CADPS: variants seen among roughly 807,000 people sequenced by gnomAD.
CADPS encodes the protein calcium-dependent secretion activator 1.
In CADPS, 57 loss-of-function variants were observed where a neutral mutation model predicts 167.3. The observed-to-expected ratio is 0.34, with a 90% CI of 0.28 to 0.42. The LOEUF is 0.42. Ranked by LOEUF, CADPS falls within the 20% of genes least tolerant of loss-of-function variation. The pLI, the probability that CADPS is intolerant of heterozygous loss-of-function variation, is 1.00. For synonymous variants in CADPS, 676 were observed against 635.3 expected, an observed-to-expected ratio of 1.06 and a Z score of -0.96; for missense variants, 1,414 against 1,738.1, an observed-to-expected ratio of 0.81 and a Z score of 3.32.
chr3:62,401,708 T>C (rs1706232179), intron 29 of CADPS, among the ~76,000 whole-genome samples: 1 of 150,684 alleles, frequency 6.6e-6, no homozygotes, highest in South Asian at 2.1e-4. Context: ...CTTTTCTATA[T>C]CCCTTCTCTG....
chr3:62,812,724 T>C (rs1239784243), intron 1 of CADPS, among the ~76,000 whole-genome samples: 4 of 152,192 alleles, frequency 2.6e-5, no homozygotes, highest in African/African-American at 7.2e-5. Context: ...TTTTAGGAAA[T>C]TGATGTTGGA....
intron 28 of CADPS, among the ~76,000 whole-genome samples, chr3:62,419,475 G>T (rs866624829): frequency 2.0e-5 from 3 of 152,126 alleles, no homozygotes; most frequent in African/African-American, 7.2e-5. Context: ...CTTTCAAGTC[G>T]TCTCAATCTT....
intron 3 of CADPS, among the ~76,000 whole-genome samples, chr3:62,687,788 C>T (rs967016495): frequency 4.7e-4 from 63 of 135,162 alleles, no homozygotes; most frequent in Non-Finnish European, 9.0e-4. Flanking sequence ...TGGTAAAAAG[C>T]TCTTATTATG....
At chr3:62,813,513 A>G (rs1394803623) in intron 1 of CADPS, among the ~76,000 whole-genome samples, 1 of 152,148 alleles carries the variant, frequency 6.6e-6, no homozygotes, top group African/African-American at 2.4e-5. Flanking sequence ...TTAAAATCAT[A>G]GAAGAAAACC....
chr3:62,566,094 T>C (rs143964456), intron 9 of CADPS, among the ~76,000 whole-genome samples: 1 of 152,328 alleles, frequency 6.6e-6, no homozygotes, highest in East Asian at 1.9e-4. Context: ...AGATCTAACA[T>C]CTGAATTGAA....
At chr3:62,858,729 T>C (rs149737348) in intron 1 of CADPS, among the ~76,000 whole-genome samples, 193 of 152,286 alleles carry the variant, frequency 1.3e-3, no homozygotes, top group African/African-American at 4.5e-3. Context: ...TTTATCCACA[T>C]TACTTTAATG....
At chr3:62,685,303 A>G (rs1232551089) in intron 3 of CADPS, among the ~76,000 whole-genome samples, 1 of 151,996 alleles carries the variant, frequency 6.6e-6, no homozygotes, top group Non-Finnish European at 1.5e-5. Flanking sequence ...AGGCACACAA[A>G]CAGGTAGACA....
intron 1 of CADPS, among the ~76,000 whole-genome samples, chr3:62,784,743 A>G (rs2092226147): frequency 9.0e-6 from 1 of 111,554 alleles, no homozygotes; most frequent in African/African-American, 3.4e-5. Flanking sequence ...ATCTTCAAGT[A>G]AAGAATGCAA....
At chr3:62,802,579 A>G (rs2093835877) in intron 1 of CADPS, among the ~76,000 whole-genome samples, 1 of 152,100 alleles carries the variant, frequency 6.6e-6, no homozygotes, top group African/African-American at 2.4e-5. Context: ...TGGCTGATGG[A>G]TTTCGATGAG....
At chr3:62,703,843 C>T (rs34440160) in intron 3 of CADPS, among the ~76,000 whole-genome samples, 12,091 of 152,132 alleles carry the variant, frequency 0.079, 635 homozygotes, top group Non-Finnish European at 0.12. Flanking sequence ...CAGCAGTCGG[C>T]ACATAAAAAA....
In CADPS at chr3:62,399,190, T is replaced by C. The variant is rs1705010993; in HGVS notation, c.*216A>G. 1.9e-6 allele frequency: 1 copy of C among 525,216 alleles called. No homozygotes were observed. Among genetic ancestry groups the C allele is most frequent in the South Asian group, 2.4e-5 (1 of 41,736 alleles). The allele number at this position is 525,216 out of a possible 1,614,324, so 32.5% of individuals were successfully genotyped here. ...ACAGTATTTAAAGAATGGTGCTCCA[T>C]ATTGCTTGTAAACATATAGACATGG... On this transcript the variant is annotated 3_prime_UTR_variant, in exon 30 of 30. Coordinates refer to ENST00000383710, the MANE Select transcript of CADPS (RefSeq NM_003716.4). This position sits in a 1 kb window ranked among gnomAD's most constrained non-coding sequence, Gnocchi z 5.6.
intron 3 of CADPS, among the ~76,000 whole-genome samples, chr3:62,698,133 C>A (rs1323629909): frequency 4.6e-5 from 7 of 152,058 alleles, no homozygotes; most frequent in African/African-American, 1.7e-4. Context: ...TAGCATCACC[C>A]ACCTTAGGTC....
At chr3:62,498,978 C>T (rs1457700792) in intron 18 of CADPS, among the ~76,000 whole-genome samples, 184 bp downstream of exon 18, 1 of 152,202 alleles carries the variant, frequency 6.6e-6, no homozygotes, top group African/African-American at 2.4e-5. Flanking sequence ...CATGCAACCA[C>T]TTTTTGGTTG....
rs1190512729 is a variant in CADPS at position 62,438,147 on chromosome 3, C to T, written c.3734G>A (p.Arg1245His). Residue 1245 changes from arginine (R) to histidine (H), a missense_variant, in exon 28 of 30, where the codon CGT becomes CAT. Transcript: ENST00000383710. The surrounding 1 kb of genome is among the most constrained non-coding windows in gnomAD (Gnocchi z 4.7). Reference sequence around the variant, plus strand: ...GTACATCTCCTCATTGACCTTATCACGCAGGACATCCTGAGAATGGCGGAC... The same window carrying T: ...GTACATCTCCTCATTGACCTTATCATGCAGGACATCCTGAGAATGGCGGAC... ...TFVRHSQDVL[R>H]DKVNEEMYIE... The T allele has an allele frequency of 2.5e-6, 4 of 1,613,534 alleles. No homozygotes were observed. The highest frequency in any genetic ancestry group is 3.4e-6 in the Non-Finnish European group (4 of 1,179,644).
chr3:62,704,936 C>T (rs1321808741), intron 3 of CADPS, among the ~76,000 whole-genome samples: 1 of 152,076 alleles, frequency 6.6e-6, no homozygotes, highest in Non-Finnish European at 1.5e-5. Flanking sequence ...GGGAGAATGC[C>T]CCCAATGGAG....
chr3:62,820,416 A>G (rs2094847135), intron 1 of CADPS, among the ~76,000 whole-genome samples: 1 of 151,938 alleles, frequency 6.6e-6, no homozygotes, highest in Non-Finnish European at 1.5e-5. Context: ...TCTCCCTCTC[A>G]TTTTCAATAT....
intron 6 of CADPS, among the ~76,000 whole-genome samples, chr3:62,603,101 T>C (rs1257940535): frequency 2.6e-5 from 4 of 152,232 alleles, no homozygotes; most frequent in African/African-American, 9.6e-5. Context: ...TTATCTGTTT[T>C]GTTGGCTGCT....
intron 6 of CADPS, among the ~76,000 whole-genome samples, chr3:62,606,971 G>A (rs2149215556): frequency 6.6e-6 from 1 of 152,326 alleles, no homozygotes; most frequent in East Asian, 1.9e-4. Flanking sequence ...ATTTTCAGAT[G>A]ACAAATGAGA....
intron 3 of CADPS, among the ~76,000 whole-genome samples, chr3:62,745,706 A>G (rs1427821423): frequency 6.6e-6 from 1 of 152,184 alleles, no homozygotes; most frequent in African/African-American, 2.4e-5. Context: ...TGAACCAGAA[A>G]AAAATGACCA....
Sources: gnomAD v4.1 joint callset for allele counts (sites outside exome capture counted in the v4.1 genomes callset) on GRCh38, gnomAD v4.1.1 for gene constraint, Gnocchi (gnomAD v3.1) non-coding constraint, MANE v1.5 for transcripts, NCBI Gene and HGNC (gene_info 2026-07-23, HGNC 2026-07-21) for gene names.